MFNG: variants seen among roughly 807,000 people sequenced by gnomAD.
MFNG encodes beta-1,3-N-acetylglucosaminyltransferase manic fringe.
Under a neutral mutation model 34.2 loss-of-function variants are expected in MFNG, and 24 were observed. The observed-to-expected ratio is 0.70, with a 90% confidence interval of 0.51 to 0.99. The LOEUF is 0.99. MFNG is among the 50% of genes least tolerant of loss of function. MFNG has a pLI of 0.00. For missense variants in MFNG, 383 were observed against 424.0 expected (o/e 0.90, Z 0.85); for synonymous variants, 158 against 179.2 (o/e 0.88, Z 0.94).
chr22:37,484,446 A>T (rs967374818), intron 1 of MFNG: 1 of 131,628 alleles, frequency 7.6e-6, no homozygotes, highest in African/African-American at 2.6e-5. Context: ...CAGTCCTCAC[A>T]GGGTTCCCAA....
chr22:37,476,244 C>A (rs1922033669), intron 5 of MFNG, among the ~76,000 whole-genome samples: 1 of 152,086 alleles, frequency 6.6e-6, no homozygotes, highest in East Asian at 1.9e-4. Flanking sequence ...TTCTAGAACA[C>A]CTGTGTCCCA....
Position 37,485,922 on chromosome 22 carries a change from C to T in MFNG, c.255+1G>A, listed in dbSNP as rs758536235. On this transcript the variant is annotated splice_donor_variant, in intron 1 of 7. Coordinates refer to ENST00000356998, the MANE Select transcript of MFNG (RefSeq NM_002405.4). LOFTEE classifies it high-confidence loss of function. The surrounding 1 kb of genome is among the most constrained non-coding windows in gnomAD (Gnocchi z 5.3). ...AGGGCCCAATGTCACCCACTTGTCA[C>T]CTGTTCCCTGGTCCTGGAAACCCAC... The T allele has an allele frequency of 6.2e-6, 10 of 1,611,964 alleles. No individual in the cohort carries two copies. The highest frequency in any genetic ancestry group is 7.6e-6 in the Non-Finnish European group (9 of 1,178,796).
chr22:37,480,015 G>C (rs918418169), intron 3 of MFNG, among the ~76,000 whole-genome samples, 182 bp downstream of exon 3: 6 of 151,740 alleles, frequency 4.0e-5, no homozygotes, highest in Non-Finnish European at 8.8e-5. Flanking sequence ...AAAAAAAAAA[G>C]CCATTTTCCC....
Position 37,474,669 on chromosome 22 carries a change from C to G in MFNG, c.656G>C (p.Arg219Pro), listed in dbSNP as rs187717004. The stretch of plus-strand genomic sequence containing the variant: ...GATGAGAGCAGATGTGTCCATGAAA[C>G]GGGAGCCACTGAGGGACAGAGCCAG... ...LKMAPWASGS[R>P]FMDTSALIRL... Residue 219 changes from arginine (R) to proline (P), a missense_variant, in exon 6 of 8, where the codon CGT becomes CCT. Arg to Pro is a moderately radical substitution (Grantham distance 103). Coordinates refer to ENST00000356998, the MANE Select transcript of MFNG (RefSeq NM_002405.4). The G allele has an allele frequency of 6.2e-7, 1 of 1,600,962 alleles. No homozygotes were observed. Among genetic ancestry groups the G allele is most frequent in the Non-Finnish European group, 8.5e-7 (1 of 1,172,174 alleles).
intron 5 of MFNG, 48 bp from the exon 6 acceptor site, chr22:37,474,725 C>G (rs1274528082): frequency 4.6e-6 from 7 of 1,535,774 alleles, no homozygotes; most frequent in Non-Finnish European, 6.1e-6. Context: ...CCCTCCACAC[C>G]CAGAGCCGTG....
rs759455896 is a variant in MFNG at position 37,472,516 on chromosome 22, A to G, written c.826T>C (p.Tyr276His). The change falls in exon 7 of 8, where the codon TAC (tyrosine) becomes CAC (histidine). Residue 276 changes from tyrosine to histidine, a missense_variant. Coordinates refer to ENST00000356998, the MANE Select transcript of MFNG (RefSeq NM_002405.4). ...TTGAGTTTCCCCTCAAAGACACCGT[A>G]GCTGAGGGTGACCTGGGCAGGGAGA... ...AQLPEQVTLS[Y>H]GVFEGKLNVI... 6.3e-7 allele frequency: 1 copy of G among 1,581,230 alleles called. No individual in the cohort carries two copies. Among genetic ancestry groups the G allele is most frequent in the Non-Finnish European group, 8.6e-7 (1 of 1,166,576 alleles).
At position 37,479,467 on chromosome 22, in the gene MFNG, CAT is replaced by C; in HGVS notation, c.437_438del (p.Tyr146CysfsTer85). 1.9e-6 allele frequency: 3 copies of C among 1,611,168 alleles called. No homozygotes were observed. Among genetic ancestry groups the C allele is most frequent in the Non-Finnish European group, 2.5e-6 (3 of 1,178,758 alleles). On this transcript the variant is annotated frameshift_variant, in exon 4 of 8. Coordinates refer to ENST00000356998, the MANE Select transcript of MFNG (RefSeq NM_002405.4). LOFTEE classifies it high-confidence loss of function. ...AGCTGCAGCAGCGCCCTTGGGTTCA[CAT>C]AGTTGTCATCGTCCACATGGCAGAA... ...RWFCHVDDDNYVNPRALLQLL... is the reference protein window; with the variant it reads ...RWFCHVDDDNXVNPRALLQLL...
At chr22:37,480,635 G>A in intron 2 of MFNG, 86 bp downstream of exon 2, 2 of 1,324,740 alleles carry the variant, frequency 1.5e-6, no homozygotes. Context: ...CCATTTCCTG[G>A]GAACCCTCAG....
intron 2 of MFNG, among the ~76,000 whole-genome samples, 169 bp downstream of exon 2, chr22:37,480,552 C>T (rs921093903): frequency 2.0e-5 from 3 of 152,198 alleles, no homozygotes; most frequent in Non-Finnish European, 4.4e-5. Flanking sequence ...CCCACGCCCA[C>T]ACCAGTTTCC....
chr22:37,479,379 A>G lies in MFNG; in HGVS notation c.527T>C (p.Ile176Thr), dbSNP rs1191093163. 1 of 1,603,480 alleles carries G rather than the reference A, an allele frequency of 6.2e-7. No individual in the cohort carries two copies. Among genetic ancestry groups the G allele is most frequent in the Non-Finnish European group, 8.5e-7 (1 of 1,174,748 alleles). Residue 176 changes from isoleucine (I) to threonine (T), a missense_variant, in exon 4 of 8, where the codon ATC becomes ACC. Coordinates refer to ENST00000356998, the MANE Select transcript of MFNG (RefSeq NM_002405.4). ...GTGGGGCTGTGGCTCTGAGGCATGG[A>G]TGGGCCGGTTCAGGCTGGGCCTTCC... is the stretch of plus-strand genomic sequence containing the variant. ...YVGRPSLNRP[I>T]HASEPQPHNR...
In MFNG at chr22:37,469,853, C is replaced by G. The variant is rs1194192735; in HGVS notation, c.*110G>C. ...TGGGCTTGCCAACCACCCGAAGGCC[C>G]TGCCAGGGACTGCCTATCACAAGAC... On this transcript the variant is annotated 3_prime_UTR_variant, in exon 8 of 8. Transcript: ENST00000356998. 24 of 913,606 alleles carry G rather than the reference C, an allele frequency of 2.6e-5. 1 individual carries two copies. The East Asian group carries it at 6.3e-4, about 24-fold the overall frequency. The allele number at this position is 913,606 out of a possible 1,614,324, so 56.6% of individuals were successfully genotyped here. A position where few individuals can be genotyped will look rare whatever the true frequency, so the allele number is the denominator to read the frequency against.
chr22:37,474,528 G>T lies in MFNG; in HGVS notation c.797C>A (p.Ala266Glu). ...CCAGCTCACCTGTTCTGGGAGCTGTGCAGTCCTCAGCAGCTGCAGGGTCTC... is the reference window on the plus strand; with the variant it reads ...CCAGCTCACCTGTTCTGGGAGCTGTTCAGTCCTCAGCAGCTGCAGGGTCTC... ...HLETLQLLRTAQLPEQVTLSY... is the reference protein window; with the variant it reads ...HLETLQLLRTEQLPEQVTLSY... Residue 266 changes from alanine to glutamate, a missense_variant, in exon 6 of 8, where the codon GCA becomes GAA. Transcript: ENST00000356998. 6.2e-7 allele frequency: 1 copy of T among 1,614,040 alleles called. No homozygotes were observed. The highest frequency in any genetic ancestry group is 8.5e-7 in the Non-Finnish European group (1 of 1,179,932).
At chr22:37,478,708 T>C (rs1463085781) in intron 4 of MFNG, among the ~76,000 whole-genome samples, 2 of 151,270 alleles carry the variant, frequency 1.3e-5, no homozygotes, top group Middle Eastern at 3.2e-3. Context: ...GGACGGAGTC[T>C]CGCTCTGCCG....
intron 1 of MFNG, chr22:37,481,094 C>T: frequency 2.7e-6 from 1 of 375,118 alleles, no homozygotes; most frequent in Non-Finnish European, 4.9e-6. Context: ...CACAATCACA[C>T]ACACACACAC....
At chr22:37,473,232 G>C (rs1025434297) in intron 6 of MFNG, among the ~76,000 whole-genome samples, 1 of 152,126 alleles carries the variant, frequency 6.6e-6, no homozygotes, top group Non-Finnish European at 1.5e-5. Flanking sequence ...GAGGTCAGGA[G>C]TTCGAGACCA....
chr22:37,469,615 C>G lies in MFNG; in HGVS notation c.*348G>C, dbSNP rs1921714949. ...CATTAGCCAGGGCCAACGGCCAGAC[C>G]CCACCCAGAGGCCATGTCACTGCCT... On this transcript the variant is annotated 3_prime_UTR_variant, in exon 8 of 8. Transcript: ENST00000356998. The G allele has an allele frequency of 2.6e-6, 1 of 390,328 alleles. No individual in the cohort carries two copies. The highest frequency in any genetic ancestry group is 4.9e-6 in the Non-Finnish European group (1 of 202,766). 24.2% of individuals were successfully genotyped at this position (390,328 alleles called of 1,614,324 possible). A position where few individuals can be genotyped will look rare whatever the true frequency, so the allele number is the denominator to read the frequency against.
At chr22:37,475,844 C>A (rs1233774937) in intron 5 of MFNG, among the ~76,000 whole-genome samples, 1 of 152,206 alleles carries the variant, frequency 6.6e-6, no homozygotes, top group Non-Finnish European at 1.5e-5. Flanking sequence ...ACACGGATGA[C>A]CCTGGTCATG....
Position 37,470,455 on chromosome 22 carries a change from A to T in MFNG, c.900-426T>A, listed in dbSNP as rs1004662074. Among the ~76,000 whole-genome samples, 4 of 152,210 alleles carry T rather than the reference A, an allele frequency of 2.6e-5. No individual in the cohort carries two copies. In the South Asian group the frequency reaches 8.3e-4, roughly 32 times the overall value. On this transcript the variant is annotated intron_variant, in intron 7 of 7. Coordinates refer to ENST00000356998, the MANE Select transcript of MFNG (RefSeq NM_002405.4). ...CAGACCCATTTGGCAGTAATCTATG[A>T]CTTCTAGAATCTTCAAGCTTTGAGG...
chr22:37,486,280 G>A lies in MFNG; in HGVS notation c.-103C>T. Reference sequence around the variant, plus strand: ...CTCCAGCAGAGGCAAAAGTCTGGCAGGCATCAGGGGCTGGCAAGGAGGGAA... The same window carrying A: ...CTCCAGCAGAGGCAAAAGTCTGGCAAGCATCAGGGGCTGGCAAGGAGGGAA... On this transcript the variant is annotated 5_prime_UTR_variant, in exon 1 of 8. Coordinates refer to ENST00000356998, the MANE Select transcript of MFNG (RefSeq NM_002405.4). 1 of 1,305,596 alleles carries A rather than the reference G, an allele frequency of 7.7e-7. No homozygotes were observed. Among genetic ancestry groups the A allele is most frequent in the South Asian group, 1.6e-5 (1 of 61,524 alleles). The allele number at this position is 1,305,596 out of a possible 1,614,324, so 80.9% of individuals were successfully genotyped here. A position where few individuals can be genotyped will look rare whatever the true frequency, so the allele number is the denominator to read the frequency against.
Sources: allele counts gnomAD v4.1 joint callset (sites outside exome capture counted in the v4.1 genomes callset), GRCh38; gene constraint gnomAD v4.1.1; non-coding constraint Gnocchi (gnomAD v3.1); transcripts MANE v1.5; gene names NCBI Gene and HGNC (gene_info 2026-07-23, HGNC 2026-07-21).